The following CDK4 variants were observed in gnomAD, a reference collection of about 807,000 sequenced individuals.
CDK4 encodes the protein cyclin-dependent kinase 4.
Under a neutral mutation model 36.7 loss-of-function variants are expected in CDK4, and 13 were observed. The observed-to-expected ratio is 0.35, with a 90% CI of 0.23 to 0.56. CDK4 has a LOEUF of 0.56. Ranked by LOEUF, CDK4 falls within the 20% of genes least tolerant of loss-of-function variation. The probability of loss-of-function intolerance (pLI) is 0.85; values close to 1 mark genes in which losing one functional copy is unlikely to be tolerated. For synonymous variants in CDK4, 158 were observed against 146.4 expected (o/e 1.08, Z -0.57); for missense variants, 285 against 387.3 (o/e 0.74, Z 2.22).
At chr12:57,749,128 A>G (rs1202017432) in intron 7 of CDK4, 54 bp downstream of exon 7, 4 of 1,611,606 alleles carry the variant, frequency 2.5e-6, no homozygotes, top group Admixed American at 1.7e-5. Flanking sequence ...ATACTGCTCT[A>G]TTTCTTTCCC....
In CDK4 at chr12:57,750,659, C is replaced by T. The variant is rs373619077; in HGVS notation, c.629G>A (p.Arg210Gln). 1.2e-5 allele frequency: 19 copies of T among 1,609,128 alleles called. No individual in the cohort carries two copies. Among genetic ancestry groups the T allele is most frequent in the South Asian group, 5.5e-5 (5 of 90,958 alleles). Residue 210 changes from arginine (R) to glutamine (Q), a missense_variant, in exon 5 of 8, where the codon CGA becomes CAA. Arg to Gln is a conservative substitution (Grantham distance 43, BLOSUM62 1). Coordinates refer to ENST00000257904, the MANE Select transcript of CDK4 (RefSeq NM_000075.4). ...CCAGGGTATGTGGGTCCCATACTTT[C>T]GACGAAACATCTCTGCAAAGATACA... ...VGCIFAEMFR[R>Q]KPLFCGNSEA...
Position 57,749,454 on chromosome 12 carries a change from T to A in CDK4, c.683A>T (p.Asp228Val), listed in dbSNP as rs2140383780. ...TTTTTCTCCCATGTTGGTCACTTAC[T>A]CAAAGATTTTGCCCAACTGGTCGGC... The part of the protein sequence containing the change: ...SEADQLGKIF[D>V]LIGLPPEDDW... Residue 228 changes from aspartate (D) to valine (V), a missense_variant and splice_region_variant, in exon 6 of 8, where the codon GAC (aspartate) becomes GTC (valine). By Grantham distance (152) the Asp-to-Val change is radical. Coordinates refer to ENST00000257904, the MANE Select transcript of CDK4 (RefSeq NM_000075.4). The A allele has an allele frequency of 6.2e-7, 1 of 1,614,188 alleles. No homozygotes were observed. The highest frequency in any genetic ancestry group is 8.5e-7 in the Non-Finnish European group (1 of 1,180,010).
rs1158848630 is a variant in CDK4, at chr12:57,751,374, C to G, written c.219-32G>C. 1.2e-6 allele frequency: 2 copies of G among 1,613,984 alleles called. No individual in the cohort carries two copies. Among genetic ancestry groups the G allele is most frequent in the South Asian group, 1.1e-5 (1 of 91,074 alleles). ...AGAGTAAATGCTCACTTTTCAATCC[C>G]CTTTAACCCAACATGGCCTCTCATT... On this transcript the variant is annotated intron_variant, in intron 2 of 7. Coordinates refer to ENST00000257904, the MANE Select transcript of CDK4 (RefSeq NM_000075.4). This position sits in a 1 kb window ranked among gnomAD's most constrained non-coding sequence, Gnocchi z 4.5.
chr12:57,749,013 G>C, intron 7 of CDK4, 169 bp downstream of exon 7: 3 of 896,018 alleles, frequency 3.3e-6, no homozygotes, highest in Non-Finnish European at 5.3e-6. Flanking sequence ...GCCAGGATGG[G>C]TTCTCTTCTA....
In CDK4 at chr12:57,751,645, C is replaced by T. The variant is rs1955239001; in HGVS notation, c.73G>A (p.Asp25Asn). Residue 25 changes from aspartate (D) to asparagine (N), a missense_variant, in exon 2 of 8, where the codon GAT becomes AAT. By Grantham distance (23) the Asp-to-Asn change is conservative (BLOSUM62 1). Transcript: ENST00000257904. This position sits in a 1 kb window ranked among gnomAD's most constrained non-coding sequence, Gnocchi z 4.5. ...GAYGTVYKAR[D>N]PHSGHFVALK... ...GCCACAAAGTGGCCACTGTGGGGAT[C>T]ACGGGCCTTGTACACTGTCCCATAG... is the stretch of plus-strand genomic sequence containing the variant. 1 of 1,614,096 alleles carries T rather than the reference C, an allele frequency of 6.2e-7. No homozygotes were observed. Among genetic ancestry groups the T allele is most frequent in the South Asian group, 1.1e-5 (1 of 91,086 alleles).
intron 5 of CDK4, chr12:57,750,417 A>T: frequency 2.1e-6 from 1 of 483,854 alleles, no homozygotes; most frequent in Non-Finnish European, 3.9e-6. Flanking sequence ...ATATTAACAA[A>T]CTAGCCAAGC....
chr12:57,748,505 C>G lies in CDK4; in HGVS notation c.*20G>C. The G allele has an allele frequency of 6.4e-7, 1 of 1,571,216 alleles. No homozygotes were observed. The highest frequency in any genetic ancestry group is 2.2e-5 in the East Asian group (1 of 44,624). ...GGGAAATGGCAGCTTTTCTTCCTTC[C>G]ATGGCAGCCACTCCATTGCTCACTC... On this transcript the variant is annotated 3_prime_UTR_variant, in exon 8 of 8. Coordinates refer to ENST00000257904, the MANE Select transcript of CDK4 (RefSeq NM_000075.4).
In CDK4 at chr12:57,750,507, C is replaced by T. The variant is rs150276937; in HGVS notation, c.632+149G>A. The stretch of plus-strand genomic sequence containing the variant: ...ACTTGAGCCCAGGAGGTTGAAGCTG[C>T]AGTGAGCTGTGATCATGCCATTGCA... On this transcript the variant is annotated intron_variant, in intron 5 of 7. Coordinates refer to ENST00000257904, the MANE Select transcript of CDK4 (RefSeq NM_000075.4). 150 of 712,480 alleles carry T rather than the reference C, an allele frequency of 2.1e-4. No individual in the cohort carries two copies. The highest frequency in any genetic ancestry group is 1.3e-4 in the East Asian group (5 of 38,188). 44.1% of individuals were successfully genotyped at this position (712,480 alleles called of 1,614,324 possible).
intron 7 of CDK4, 167 bp downstream of exon 7, chr12:57,749,015 T>C (rs1955196156): frequency 2.2e-6 from 2 of 900,584 alleles, no homozygotes; most frequent in East Asian, 2.6e-5. Flanking sequence ...CAGGATGGGT[T>C]CTCTTCTATA....
In CDK4 at chr12:57,748,955, C is replaced by T. The variant is rs946845786; in HGVS notation, c.819+227G>A. The T allele has an allele frequency of 1.5e-5, 9 of 610,160 alleles. No homozygotes were observed. In the African/African-American group the frequency reaches 1.7e-4, roughly 11 times the overall value. The allele number at this position is 610,160 out of a possible 1,614,324, so 37.8% of individuals were successfully genotyped here. A position where few individuals can be genotyped will look rare whatever the true frequency, so the allele number is the denominator to read the frequency against. Reference sequence around the variant, plus strand: ...TCCTGACCTCAGGTGATACGCCCACCTTGGCCTCCCAAAGTGCTGGGATTA... The same window carrying T: ...TCCTGACCTCAGGTGATACGCCCACTTTGGCCTCCCAAAGTGCTGGGATTA... On this transcript the variant is annotated intron_variant, in intron 7 of 7. Coordinates refer to ENST00000257904, the MANE Select transcript of CDK4 (RefSeq NM_000075.4).
rs373619077 is a variant in CDK4, at chr12:57,750,659, C to G, written c.629G>C (p.Arg210Pro). Residue 210 changes from arginine to proline, a missense_variant, in exon 5 of 8, where the codon CGA (arginine) becomes CCA (proline). Transcript: ENST00000257904. The stretch of plus-strand genomic sequence containing the variant: ...CCAGGGTATGTGGGTCCCATACTTT[C>G]GACGAAACATCTCTGCAAAGATACA... ...VGCIFAEMFR[R>P]KPLFCGNSEA... The G allele has an allele frequency of 1.5e-5, 24 of 1,609,130 alleles. No individual in the cohort carries two copies. Among genetic ancestry groups the G allele is most frequent in the Non-Finnish European group, 2.0e-5 (23 of 1,175,396 alleles).
intron 7 of CDK4, 66 bp downstream of exon 7, chr12:57,749,116 G>T (rs2140382299): frequency 6.3e-7 from 1 of 1,596,264 alleles, no homozygotes; most frequent in Non-Finnish European, 8.6e-7. Context: ...CCAGGGCCCT[G>T]CATACTGCTC....
In CDK4 at chr12:57,747,735, A is replaced by G. The variant is rs1240017737; in HGVS notation, c.*790T>C. ...CGAATATAAAAGTAAAAGCCATTTA[A>G]AAATCTATATTCTTTTTTTTTTTTT... On this transcript the variant is annotated 3_prime_UTR_variant, in exon 8 of 8. Coordinates refer to ENST00000257904, the MANE Select transcript of CDK4 (RefSeq NM_000075.4). 1 of 161,426 alleles carries G rather than the reference A, an allele frequency of 6.2e-6. No individual in the cohort carries two copies. The allele number at this position is 161,426 out of a possible 1,614,324, so 10.0% of individuals were successfully genotyped here.
rs2140388967 is a variant in CDK4, at chr12:57,751,761, A to C, written c.-19-25T>G. 6.3e-7 allele frequency: 1 copy of C among 1,577,518 alleles called. No individual in the cohort carries two copies. The highest frequency in any genetic ancestry group is 8.7e-7 in the Non-Finnish European group (1 of 1,149,096). On this transcript the variant is annotated intron_variant, in intron 1 of 7. Coordinates refer to ENST00000257904, the MANE Select transcript of CDK4 (RefSeq NM_000075.4). The surrounding 1 kb of genome is among the most constrained non-coding windows in gnomAD (Gnocchi z 4.5). The stretch of plus-strand genomic sequence containing the variant: ...CCTACAATCACAGACTCCTATCACC[A>C]AAAGTCGCTTACAGAGTTAGGATGG...
rs2140384005 is a variant in CDK4 at position 57,749,509 on chromosome 12, G to A, written c.633-5C>T. 1 of 1,613,964 alleles carries A rather than the reference G, an allele frequency of 6.2e-7. No individual in the cohort carries two copies. Among genetic ancestry groups the A allele is most frequent in the Non-Finnish European group, 8.5e-7 (1 of 1,179,792 alleles). On this transcript the variant is annotated splice_polypyrimidine_tract_variant and splice_region_variant and intron_variant, in intron 5 of 7. Coordinates refer to ENST00000257904, the MANE Select transcript of CDK4 (RefSeq NM_000075.4). The stretch of plus-strand genomic sequence containing the variant: ...GAGTTTCCACAGAAGAGAGGCCTAA[G>A]GTGAGAAGGGATATAAGGTAGCAGT...
In CDK4 at chr12:57,748,237, A is replaced by G; in HGVS notation, c.*288T>C. On this transcript the variant is annotated 3_prime_UTR_variant, in exon 8 of 8. Transcript: ENST00000257904. ...AAGAAACATTAAAAAAAAAAAAAAG[A>G]CCATTATTTCTTTGTTTTGTTTTTC... The G allele has an allele frequency of 2.7e-6, 1 of 371,436 alleles. No individual in the cohort carries two copies. The highest frequency in any genetic ancestry group is 5.0e-6 in the Non-Finnish European group (1 of 199,746). The allele number at this position is 371,436 out of a possible 1,614,324, so 23.0% of individuals were successfully genotyped here.
In CDK4 at chr12:57,748,270, A is replaced by G; in HGVS notation, c.*255T>C. The stretch of plus-strand genomic sequence containing the variant: ...TTCTTTGTTTTGTTTTTCCTGTATA[A>G]AAAAGGACCCCAAATATAAAGGTAG... On this transcript the variant is annotated 3_prime_UTR_variant, in exon 8 of 8. Transcript: ENST00000257904. 1 of 436,614 alleles carries G rather than the reference A, an allele frequency of 2.3e-6. No individual in the cohort carries two copies. Among genetic ancestry groups the G allele is most frequent in the Non-Finnish European group, 4.2e-6 (1 of 237,994 alleles). The allele number at this position is 436,614 out of a possible 1,614,324, so 27.0% of individuals were successfully genotyped here.
chr12:57,751,882 C>T lies in CDK4; in HGVS notation c.-19-146G>A. 1 of 672,740 alleles carries T rather than the reference C, an allele frequency of 1.5e-6. No individual in the cohort carries two copies. The highest frequency in any genetic ancestry group is 1.7e-5 in the South Asian group (1 of 59,630). The allele number at this position is 672,740 out of a possible 1,614,324, so 41.7% of individuals were successfully genotyped here. ...GCTCCCAGTCTTCCTTGGGGCCGGC[C>T]CCAGAGATAACACAATGACTCAATA... On this transcript the variant is annotated intron_variant, in intron 1 of 7. Transcript: ENST00000257904. The surrounding 1 kb of genome is among the most constrained non-coding windows in gnomAD (Gnocchi z 4.5).
chr12:57,750,836 C>A, intron 4 of CDK4, 71 bp from the exon 5 acceptor site: 1 of 1,590,848 alleles, frequency 6.3e-7, no homozygotes, highest in Non-Finnish European at 8.6e-7. Context: ...TGACTGAACA[C>A]ATGAAGCACA....
Sources: allele counts gnomAD v4.1 joint callset, GRCh38; gene constraint gnomAD v4.1.1; non-coding constraint Gnocchi (gnomAD v3.1); transcripts MANE v1.5; gene names NCBI Gene and HGNC (gene_info 2026-07-23, HGNC 2026-07-21).